PDE10A: variants seen among roughly 807,000 people sequenced by gnomAD.
PDE10A encodes cAMP and cAMP-inhibited cGMP 3',5'-cyclic phosphodiesterase 10A.
A neutral mutation model predicts 97.7 loss-of-function variants in PDE10A; 39 were observed. The ratio of observed to expected loss-of-function variants is 0.40; its 90% CI spans 0.31 to 0.52. PDE10A has a LOEUF of 0.52. PDE10A is among the 20% of genes least tolerant of loss of function. The probability of loss-of-function intolerance (pLI) is 0.56; values close to 1 mark genes in which losing one functional copy is unlikely to be tolerated. For missense variants in PDE10A, 731 were observed against 1,047.8 expected, an observed-to-expected ratio of 0.70 and a Z score of 4.17; for synonymous variants, 371 against 376.8, an observed-to-expected ratio of 0.98 and a Z score of 0.18.
intron 2 of PDE10A, among the ~76,000 whole-genome samples, chr6:165,542,524 A>T (rs1237331754): frequency 6.6e-6 from 1 of 152,068 alleles, no homozygotes; most frequent in Non-Finnish European, 1.5e-5. Flanking sequence ...CGATGTGCTT[A>T]AAATGCCAGG....
chr6:165,830,490 T>A (rs909826879), intron 1 of PDE10A, among the ~76,000 whole-genome samples: 1 of 149,482 alleles, frequency 6.7e-6, no homozygotes, highest in African/African-American at 2.5e-5. Context: ...TCGGTGGGGA[T>A]CTTAGGTGGA....
In PDE10A at chr6:165,333,141, AT is replaced by A; in HGVS notation, c.3066-15del. ...CTGAGATTATCCCTAGGGATAAAAG[AT>A]GCAGTTTCAGGAGAAGCTGAATAAA... On this transcript the variant is annotated splice_polypyrimidine_tract_variant and intron_variant, in intron 21 of 21. Transcript: ENST00000539869. 6.9e-7 allele frequency: 1 copy of A among 1,442,808 alleles called. No homozygotes were observed. The highest frequency in any genetic ancestry group is 9.8e-7 in the Non-Finnish European group (1 of 1,023,240). 89.4% of individuals were successfully genotyped at this position (1,442,808 alleles called of 1,614,324 possible). A position where few individuals can be genotyped will look rare whatever the true frequency, so the allele number is the denominator to read the frequency against.
rs58740333 is a variant in PDE10A at position 165,913,273 on chromosome 6, T to TACACACACAC, written c.-615+74246_-615+74255dup. ...ATGTTGAATAAGGACACTCAACTTGTACACACACACACACACACACACACA... is the reference window on the plus strand; with the variant it reads ...ATGTTGAATAAGGACACTCAACTTGTACACACACACACACACACACACACACACACACACA... On this transcript the variant is annotated intron_variant, in intron 1 of 19. Transcript: ENST00000366882. Among the ~76,000 whole-genome samples the TACACACACAC allele has an allele frequency of 5.9e-3, 879 of 148,000 alleles. 7 individuals carry two copies. The highest frequency in any genetic ancestry group is 0.018 in the African/African-American group (716 of 39,996).
rs140162862 is a variant in PDE10A at position 165,899,719 on chromosome 6, C to T, written c.-615+87810G>A. On this transcript the variant is annotated intron_variant, in intron 1 of 19. Coordinates refer to the PDE10A transcript ENST00000366882. ...CGTGACCCGAAGCTGTGTGCGCTGG[C>T]CGGGCTGTACCAGGTGCTGCGTCCT... is the stretch of plus-strand genomic sequence containing the variant. Among the ~76,000 whole-genome samples the T allele has an allele frequency of 4.0e-3, 616 of 152,342 alleles. 5 individuals carry two copies. The highest frequency in any genetic ancestry group is 0.014 in the African/African-American group (601 of 41,578).
intron 2 of PDE10A, among the ~76,000 whole-genome samples, chr6:165,512,369 A>G (rs1006520022): frequency 6.6e-5 from 10 of 151,752 alleles, no homozygotes; most frequent in African/African-American, 2.4e-4. Context: ...AATTTTGCTG[A>G]CAATAGTAAT....
intron 2 of PDE10A, among the ~76,000 whole-genome samples, chr6:165,496,523 A>G (rs535132897): frequency 6.6e-6 from 1 of 152,354 alleles, no homozygotes; most frequent in South Asian, 2.1e-4. Flanking sequence ...ATTCTTACAC[A>G]GAGAGAATGC....
At chr6:165,729,050 A>G (rs547917583) in intron 1 of PDE10A, among the ~76,000 whole-genome samples, 1 of 152,078 alleles carries the variant, frequency 6.6e-6, no homozygotes, top group Admixed American at 6.6e-5. Flanking sequence ...GCAACAAAAA[A>G]CATTAGTGTG....
At chr6:165,668,769 T>A (rs571728547) in intron 1 of PDE10A, among the ~76,000 whole-genome samples, 64 of 128,680 alleles carry the variant, frequency 5.0e-4, no homozygotes, top group Middle Eastern at 4.2e-3. Context: ...GGAAGGAAGG[T>A]AGGAAGGGAG....
At chr6:165,720,493 C>T (rs1371706897) in intron 1 of PDE10A, among the ~76,000 whole-genome samples, 1 of 152,138 alleles carries the variant, frequency 6.6e-6, no homozygotes, top group Non-Finnish European at 1.5e-5. Context: ...CTGCCCTACT[C>T]CCAAACCTAA....
At chr6:165,502,620 A>G (rs569244118) in intron 2 of PDE10A, among the ~76,000 whole-genome samples, 76 of 152,256 alleles carry the variant, frequency 5.0e-4, no homozygotes, top group Non-Finnish European at 8.2e-4. Flanking sequence ...TTTATAGTAC[A>G]CTGCTAAACA....
chr6:165,558,915 A>C (rs549151374), intron 1 of PDE10A, among the ~76,000 whole-genome samples: 7 of 152,306 alleles, frequency 4.6e-5, no homozygotes, highest in African/African-American at 1.7e-4. Flanking sequence ...GCAAACCTGC[A>C]CGTTGTGCAC....
At chr6:165,502,577 G>A (rs1780953411) in intron 2 of PDE10A, among the ~76,000 whole-genome samples, 1 of 152,158 alleles carries the variant, frequency 6.6e-6, no homozygotes, top group Non-Finnish European at 1.5e-5. Flanking sequence ...CCATTAGAAT[G>A]GAGAAAATTA....
chr6:165,981,702 A>G lies in PDE10A; in HGVS notation c.-615+5827T>C, dbSNP rs184548232. ...ATCACAAGAACTTTAAAAAATGTCTAAACGATAACCACCTTTGCCATCAAA... is the reference window on the plus strand; with the variant it reads ...ATCACAAGAACTTTAAAAAATGTCTGAACGATAACCACCTTTGCCATCAAA... On this transcript the variant is annotated intron_variant, in intron 1 of 19. Transcript: ENST00000366882. Among the ~76,000 whole-genome samples, 42 of 152,364 alleles carry G rather than the reference A, an allele frequency of 2.8e-4. 2 individuals carry two copies. In the East Asian group the frequency reaches 4.6e-3, roughly 17 times the overall value.
intron 1 of PDE10A, among the ~76,000 whole-genome samples, chr6:165,827,856 C>T (rs1257526057): frequency 1.3e-5 from 2 of 152,172 alleles, no homozygotes; most frequent in African/African-American, 2.4e-5. Context: ...ATTCTTACGC[C>T]TTTGCATCCT....
chr6:165,392,047 T>A (rs975607485), intron 16 of PDE10A, among the ~76,000 whole-genome samples: 2 of 152,194 alleles, frequency 1.3e-5, no homozygotes, highest in African/African-American at 2.4e-5. Flanking sequence ...AGAATCAGCA[T>A]CCTTTGTGGC....
At chr6:165,608,864 G>C (rs1193156491) in intron 1 of PDE10A, among the ~76,000 whole-genome samples, 3 of 152,238 alleles carry the variant, frequency 2.0e-5, no homozygotes, top group Non-Finnish European at 4.4e-5. Flanking sequence ...GATAGCCAGT[G>C]ATGATGAGCA....
intron 1 of PDE10A, among the ~76,000 whole-genome samples, chr6:165,764,147 A>G (rs1350695518): frequency 6.6e-6 from 1 of 152,194 alleles, no homozygotes; most frequent in Non-Finnish European, 1.5e-5. Flanking sequence ...TAGACGGATG[A>G]GGCTCTTGGC....
intron 1 of PDE10A, among the ~76,000 whole-genome samples, chr6:165,956,919 T>A (rs1050644021): frequency 3.9e-5 from 6 of 152,194 alleles, no homozygotes; most frequent in Non-Finnish European, 8.8e-5. Context: ...ACCTCCACCC[T>A]CTCAGAGCAT....
At chr6:165,535,230 A>AATATATATAT (rs113648418) in intron 2 of PDE10A, among the ~76,000 whole-genome samples, 206 of 148,102 alleles carry the variant, frequency 1.4e-3, no homozygotes, top group African/African-American at 4.6e-3. Context: ...TGCCTTTTAA[A>AATATATATAT]ATATATATAT....
Sources: allele counts gnomAD v4.1 joint callset (sites outside exome capture counted in the v4.1 genomes callset), GRCh38; gene constraint gnomAD v4.1.1; transcripts MANE v1.5; gene names NCBI Gene and HGNC (gene_info 2026-07-23, HGNC 2026-07-21).